AGPAT3: variants seen among roughly 807,000 people sequenced by gnomAD.
AGPAT3 encodes the protein 1-acylglycerol-3-phosphate O-acyltransferase 3, also known as 1-acyl-sn-glycerol-3-phosphate acyltransferase gamma.
In AGPAT3, 5 loss-of-function variants were observed where a neutral mutation model predicts 47.3. That is an observed-to-expected ratio of 0.11 (90% confidence interval 0.06 to 0.22). AGPAT3 has a LOEUF of 0.22. Among genes scored for constraint, AGPAT3 ranks in the 10% least tolerant of loss-of-function variants. The pLI is 1.00. For missense variants in AGPAT3, 315 were observed against 493.0 expected (o/e 0.64, Z 3.42); for synonymous variants, 212 against 208.3 (o/e 1.02, Z -0.15).
intron 2 of AGPAT3, chr21:43,948,257 G>A (rs2088002000): frequency 6.6e-6 from 1 of 152,222 alleles, no homozygotes. Flanking sequence ...CACGCCTATG[G>A]TTTCACGCTC....
rs2087555272 is a variant in AGPAT3, at chr21:43,939,109, C to G, written c.-48-20525C>G. Among the ~76,000 whole-genome samples, 1 of 152,194 alleles carries G rather than the reference C, an allele frequency of 6.6e-6. No individual in the cohort carries two copies. Among genetic ancestry groups the G allele is most frequent in the Non-Finnish European group, 1.5e-5 (1 of 68,026 alleles). On this transcript the variant is annotated intron_variant, in intron 2 of 9. Coordinates refer to ENST00000291572, the MANE Select transcript of AGPAT3 (RefSeq NM_020132.5). This position sits in a 1 kb window ranked among gnomAD's most constrained non-coding sequence, Gnocchi z 4.4. The stretch of plus-strand genomic sequence containing the variant: ...GGCTAGGGGAGCATCCTGGGCAAAC[C>G]CTGCTGGGGACAGGTTCGTTGTGTC...
rs1015862497 is a variant in AGPAT3 at position 43,880,259 on chromosome 21, G to A, written c.-112+14914G>A. On this transcript the variant is annotated intron_variant, in intron 1 of 9. Transcript: ENST00000291572. This position sits in a 1 kb window ranked among gnomAD's most constrained non-coding sequence, Gnocchi z 4.5. ...TCACTTCATGGCTCAGCACAGCTGA[G>A]GGCAGCAACTGTTGTCCCCTAGAGC... is the stretch of plus-strand genomic sequence containing the variant. Among the ~76,000 whole-genome samples, 1 of 152,346 alleles carries A rather than the reference G, an allele frequency of 6.6e-6. No homozygotes were observed. The highest frequency in any genetic ancestry group is 1.5e-5 in the Non-Finnish European group (1 of 68,032).
intron 2 of AGPAT3, chr21:43,948,256 G>C (rs1427678809): frequency 6.6e-6 from 1 of 152,228 alleles, no homozygotes; most frequent in Non-Finnish European, 1.5e-5. Flanking sequence ...TCACGCCTAT[G>C]GTTTCACGCT....
At chr21:43,912,069 A>G (rs998087399) in intron 2 of AGPAT3, among the ~76,000 whole-genome samples, 1 of 152,254 alleles carries the variant, frequency 6.6e-6, no homozygotes, top group Non-Finnish European at 1.5e-5. Flanking sequence ...CTGGGAGCCT[A>G]GAGGTATCTT....
chr21:43,873,314 A>G (rs745806297), intron 1 of AGPAT3, among the ~76,000 whole-genome samples: 28 of 152,212 alleles, frequency 1.8e-4, no homozygotes, highest in Non-Finnish European at 3.1e-4. Context: ...GCGCCTCCGG[A>G]GGATAACGCT....
Position 43,868,587 on chromosome 21 carries a change from C to G in AGPAT3, c.-112+3242C>G, listed in dbSNP as rs567251172. Among the ~76,000 whole-genome samples the G allele has an allele frequency of 2.6e-5, 4 of 152,276 alleles. No individual in the cohort carries two copies. In the East Asian group the frequency reaches 7.7e-4, roughly 29 times the overall value. On this transcript the variant is annotated intron_variant, in intron 1 of 9. Transcript: ENST00000291572. ...TAATGATGAATTATAAAATGAGCAGCAGTAACAAGCTGTACAAGGAAATAC... is the reference window on the plus strand; with the variant it reads ...TAATGATGAATTATAAAATGAGCAGGAGTAACAAGCTGTACAAGGAAATAC...
chr21:43,907,814 A>G (rs1229838709), intron 2 of AGPAT3, among the ~76,000 whole-genome samples: 1 of 152,248 alleles, frequency 6.6e-6, no homozygotes, highest in Non-Finnish European at 1.5e-5. Flanking sequence ...ACGGGCTTCT[A>G]CAAAACAGCA....
intron 1 of AGPAT3, among the ~76,000 whole-genome samples, chr21:43,870,328 C>T (rs979702219): frequency 1.3e-5 from 2 of 152,172 alleles, no homozygotes; most frequent in Admixed American, 6.5e-5. Flanking sequence ...ATATGTTTGT[C>T]GTGCAGTTCA....
rs370709041 is a variant in AGPAT3 at position 43,888,256 on chromosome 21, T to A, written c.-111-15701T>A. ...GGTCTCAGTATATTGCCCAGGCTGG[T>A]CTCGAATTCCTGGGCTCAAGCAATC... On this transcript the variant is annotated intron_variant, in intron 1 of 9. Transcript: ENST00000291572. Among the ~76,000 whole-genome samples, 17 of 152,308 alleles carry A rather than the reference T, an allele frequency of 1.1e-4. No homozygotes were observed. In the East Asian group the frequency reaches 2.5e-3, roughly 22 times the overall value.
At chr21:43,918,022 GTGT>G (rs1377905547) in intron 2 of AGPAT3, among the ~76,000 whole-genome samples, 1 of 134,672 alleles carries the variant, frequency 7.4e-6, no homozygotes, top group African/African-American at 2.8e-5. Context: ...GTGGATGTTG[GTGT>G]TGTAGGGGTT....
At chr21:43,936,468 G>A (rs1273247688) in intron 2 of AGPAT3, among the ~76,000 whole-genome samples, 2 of 152,244 alleles carry the variant, frequency 1.3e-5, no homozygotes, top group African/African-American at 4.8e-5. Context: ...CCGGAAGAAT[G>A]GCCTGGGAGT....
intron 2 of AGPAT3, among the ~76,000 whole-genome samples, chr21:43,944,858 T>A (rs1171368483): frequency 6.6e-6 from 1 of 152,196 alleles, no homozygotes; most frequent in African/African-American, 2.4e-5. Context: ...CTCTTACCTC[T>A]AGAACAGCAA....
rs1393696835 is a variant in AGPAT3, at chr21:43,958,638, T to C, written c.-48-996T>C. On this transcript the variant is annotated intron_variant, in intron 2 of 9. Coordinates refer to ENST00000291572, the MANE Select transcript of AGPAT3 (RefSeq NM_020132.5). ...GTGTGTGTATGTGGCGTGTATGTGGTTTGTGGTGTGGTGTGGTATATGTAG... is the reference window on the plus strand; with the variant it reads ...GTGTGTGTATGTGGCGTGTATGTGGCTTGTGGTGTGGTGTGGTATATGTAG... 2.8e-5 allele frequency among the ~76,000 whole-genome samples: 4 copies of C among 143,822 alleles called. No homozygotes were observed. The East Asian group carries it at 8.4e-4, about 30-fold the overall frequency. The allele number at this position is 143,822 out of a possible 152,430, so 94.4% of individuals were successfully genotyped here.
intron 2 of AGPAT3, among the ~76,000 whole-genome samples, chr21:43,923,331 T>A (rs1569066449): frequency 6.6e-6 from 1 of 152,204 alleles, no homozygotes; most frequent in Non-Finnish European, 1.5e-5. Context: ...TGTCAGGATC[T>A]ATAGTTTAAT....
chr21:43,924,025 G>T (rs991618258), intron 2 of AGPAT3, among the ~76,000 whole-genome samples: 2 of 151,848 alleles, frequency 1.3e-5, no homozygotes, highest in African/African-American at 2.4e-5. Flanking sequence ...TGTTTTTTTT[G>T]GTTTTTTTTG....
intron 1 of AGPAT3, chr21:43,867,775 T>C (rs1386343237): frequency 1.3e-5 from 2 of 152,252 alleles, no homozygotes; most frequent in Non-Finnish European, 2.9e-5. Flanking sequence ...GTGAGATCTT[T>C]AGCTGCTCCA....
At chr21:43,873,641 A>T (rs979415043) in intron 1 of AGPAT3, among the ~76,000 whole-genome samples, 3 of 152,050 alleles carry the variant, frequency 2.0e-5, no homozygotes, top group African/African-American at 7.2e-5. Flanking sequence ...GCCTTCTAAA[A>T]TGCTGGGATT....
At chr21:43,959,301 C>T (rs2088696375) in intron 2 of AGPAT3, among the ~76,000 whole-genome samples, 1 of 86,686 alleles carries the variant, frequency 1.2e-5, no homozygotes, top group Non-Finnish European at 2.3e-5. Context: ...TTGTGATGAG[C>T]TGTGGTGTGT....
chr21:43,926,375 T>C (rs1232991955), intron 2 of AGPAT3, among the ~76,000 whole-genome samples: 1 of 152,180 alleles, frequency 6.6e-6, no homozygotes, highest in Non-Finnish European at 1.5e-5. Context: ...AGGTAACACG[T>C]AGGACAGCGG....
Sources: gnomAD v4.1 joint callset for allele counts (sites outside exome capture counted in the v4.1 genomes callset) on GRCh38, gnomAD v4.1.1 for gene constraint, Gnocchi (gnomAD v3.1) non-coding constraint, MANE v1.5 for transcripts, NCBI Gene and HGNC (gene_info 2026-07-23, HGNC 2026-07-21) for gene names.